The following UBAP2 variants were observed in gnomAD, a reference collection of about 807,000 sequenced individuals.
UBAP2 encodes ubiquitin-associated protein 2.
A neutral mutation model predicts 139.6 loss-of-function variants in UBAP2; 75 were observed. That is an observed-to-expected ratio of 0.54 (90% CI 0.45 to 0.65). The LOEUF (loss-of-function observed/expected upper bound fraction) is 0.65, where lower values mean the gene tolerates loss of function less well. UBAP2 is among the 30% of genes least tolerant of loss of function. The probability of loss-of-function intolerance (pLI) is 0.00; values close to 1 mark genes in which losing one functional copy is unlikely to be tolerated. For missense variants in UBAP2, 1,368 were observed against 1,369.6 expected (o/e 1.00, Z 0.02); for synonymous variants, 526 against 526.2 (o/e 1.00, Z 0.01).
At position 33,996,540 on chromosome 9, in the gene UBAP2, T is replaced by C; in HGVS notation, c.178-207A>G. 2 of 474,644 alleles carry C rather than the reference T, an allele frequency of 4.2e-6. 1 individual carries two copies. Among genetic ancestry groups the C allele is most frequent in the South Asian group, 6.8e-5 (2 of 29,206 alleles). The allele number at this position is 474,644 out of a possible 1,614,324, so 29.4% of individuals were successfully genotyped here. Reference sequence around the variant, plus strand: ...TTCACTAACACTGGTAGAATCTAACTACAAATCAATCTTCCTCCAAGTTGA... The same window carrying C: ...TTCACTAACACTGGTAGAATCTAACCACAAATCAATCTTCCTCCAAGTTGA... On this transcript the variant is annotated intron_variant, in intron 3 of 28. Coordinates refer to ENST00000379238, the MANE Select transcript of UBAP2 (RefSeq NM_001370062.2).
At chr9:34,024,596 T>C (rs1825248161) in intron 1 of UBAP2, among the ~76,000 whole-genome samples, 1 of 150,568 alleles carries the variant, frequency 6.6e-6, no homozygotes, top group Non-Finnish European at 1.5e-5. Flanking sequence ...GGATGGGGGA[T>C]GTGACTGAAA....
At chr9:33,928,830 A>G (rs1823715582) in intron 19 of UBAP2, 1 of 152,430 alleles carries the variant, frequency 6.6e-6, no homozygotes, top group Non-Finnish European at 1.5e-5. Context: ...AGAAAGCAGC[A>G]TATAAACTCG....
chr9:33,977,031 G>T (rs1326115504), intron 6 of UBAP2, among the ~76,000 whole-genome samples: 1 of 143,604 alleles, frequency 7.0e-6, no homozygotes, highest in Non-Finnish European at 1.5e-5. Context: ...AAAAACAGTT[G>T]TTTTTTATTT....
intron 6 of UBAP2, among the ~76,000 whole-genome samples, chr9:33,977,980 A>G (rs1472821485): frequency 7.0e-6 from 1 of 143,054 alleles, no homozygotes; most frequent in Non-Finnish European, 1.5e-5. Context: ...GCACCACTGC[A>G]CTCCAGCCTG....
intron 6 of UBAP2, among the ~76,000 whole-genome samples, chr9:33,975,675 A>G (rs899283274): frequency 1.3e-5 from 2 of 150,682 alleles, no homozygotes; most frequent in African/African-American, 4.9e-5. Flanking sequence ...GCGTAGTGGC[A>G]GGCGCCTGTA....
chr9:34,023,648 C>T (rs1263777395), intron 1 of UBAP2, among the ~76,000 whole-genome samples: 1 of 152,140 alleles, frequency 6.6e-6, no homozygotes, highest in Non-Finnish European at 1.5e-5. Flanking sequence ...ATAAAAACTA[C>T]ATGGCTTACT....
Position 33,966,651 on chromosome 9 carries a change from T to C in UBAP2, c.680-2860A>G, listed in dbSNP as rs73479271. ...ATCTTTCCCAACATGTTGCATAATATTAACATACAAATCTTGCATATACGT... is the reference window on the plus strand; with the variant it reads ...ATCTTTCCCAACATGTTGCATAATACTAACATACAAATCTTGCATATACGT... On this transcript the variant is annotated intron_variant, in intron 8 of 28. Transcript: ENST00000379238. Among the ~76,000 whole-genome samples the C allele has an allele frequency of 3.4e-3, 522 of 152,272 alleles. 5 individuals are homozygous for C. Among genetic ancestry groups the C allele is most frequent in the African/African-American group, 0.012 (490 of 41,570 alleles).
chr9:33,968,420 T>C (rs1827634957), intron 8 of UBAP2: 4 of 563,370 alleles, frequency 7.1e-6, no homozygotes, highest in South Asian at 2.8e-5. Context: ...CACCAGGGCA[T>C]ACATAGTCAT....
At chr9:34,014,358 C>T (rs746078056) in intron 2 of UBAP2, among the ~76,000 whole-genome samples, 2 of 129,360 alleles carry the variant, frequency 1.5e-5, no homozygotes, top group Non-Finnish European at 3.2e-5. Flanking sequence ...AGGTCAGGTG[C>T]GGTGGCTCAC....
At chr9:33,986,349 A>G (rs1821211975) in intron 6 of UBAP2, among the ~76,000 whole-genome samples, 1 of 152,182 alleles carries the variant, frequency 6.6e-6, no homozygotes, top group Non-Finnish European at 1.5e-5. Flanking sequence ...TATACACTTC[A>G]AAATAGCTAG....
chr9:34,001,540 G>C (rs532183165), intron 2 of UBAP2, among the ~76,000 whole-genome samples: 1 of 152,306 alleles, frequency 6.6e-6, no homozygotes, highest in East Asian at 1.9e-4. Flanking sequence ...GTGGCAGCTG[G>C]CCTGCAATAT....
chr9:33,944,335 A>G (rs778989408), intron 14 of UBAP2, 30 bp downstream of exon 14: 2 of 1,604,424 alleles, frequency 1.2e-6, no homozygotes, highest in Admixed American at 3.3e-5. Flanking sequence ...TTCCAGCTTT[A>G]GGACGGTGAC....
intron 6 of UBAP2, among the ~76,000 whole-genome samples, chr9:33,978,930 C>T (rs924427145): frequency 3.9e-5 from 6 of 152,200 alleles, no homozygotes; most frequent in African/African-American, 9.6e-5. Flanking sequence ...AAACCAACCC[C>T]TGTAACTTCA....
chr9:34,037,437 T>C (rs926864743), intron 1 of UBAP2, among the ~76,000 whole-genome samples: 1 of 152,172 alleles, frequency 6.6e-6, no homozygotes, highest in Non-Finnish European at 1.5e-5. Context: ...GCCCAGCCCA[T>C]ATACTACCTT....
At chr9:34,036,963 T>C (rs1348124975) in intron 1 of UBAP2, among the ~76,000 whole-genome samples, 1 of 148,084 alleles carries the variant, frequency 6.8e-6, no homozygotes, top group Non-Finnish European at 1.5e-5. Flanking sequence ...ACTATAGGCA[T>C]GTGCCACCAC....
intron 12 of UBAP2, among the ~76,000 whole-genome samples, chr9:33,949,619 C>A (rs1350386063): frequency 6.6e-6 from 1 of 152,148 alleles, no homozygotes; most frequent in Non-Finnish European, 1.5e-5. Context: ...AGGAGAATCG[C>A]TTGAACCCAG....
At chr9:33,926,477 A>G in intron 22 of UBAP2, 140 bp downstream of exon 22, 2 of 899,790 alleles carry the variant, frequency 2.2e-6, no homozygotes, top group Non-Finnish European at 3.7e-6. Flanking sequence ...AGATGAAAAC[A>G]GCTTTCTCAG....
intron 8 of UBAP2, among the ~76,000 whole-genome samples, chr9:33,966,909 T>C (rs1439766192): frequency 2.0e-5 from 3 of 152,024 alleles, no homozygotes; most frequent in African/African-American, 7.3e-5. Context: ...TTTTTAAAAA[T>C]CAGTGGGGAA....
intron 12 of UBAP2, among the ~76,000 whole-genome samples, chr9:33,949,529 C>A (rs770124150): frequency 6.6e-6 from 1 of 152,078 alleles, no homozygotes; most frequent in Non-Finnish European, 1.5e-5. Context: ...GTGGTGAAAC[C>A]CCGTCTCTAC....
Sources: allele counts gnomAD v4.1 joint callset (sites outside exome capture counted in the v4.1 genomes callset), GRCh38; gene constraint gnomAD v4.1.1; transcripts MANE v1.5; gene names NCBI Gene and HGNC (gene_info 2026-07-23, HGNC 2026-07-21).